Variants in SCP2 observed in about 807,000 individuals in gnomAD.
SCP2 encodes the protein SCP-2/3-oxoacyl-CoA thiolase.
In SCP2, 48 loss-of-function variants were observed where a neutral mutation model predicts 71.4. That is an observed-to-expected ratio of 0.67 (90% CI 0.53 to 0.86). SCP2 has a LOEUF of 0.86. Ranked by LOEUF, SCP2 falls within the 40% of genes least tolerant of loss-of-function variation. The pLI is 0.00. For missense variants in SCP2, 560 were observed against 655.6 expected (o/e 0.85, Z 1.59); for synonymous variants, 220 against 218.1 (o/e 1.01, Z -0.08).
chr1:52,944,969 T>C (rs1654639874), intron 2 of SCP2, among the ~76,000 whole-genome samples: 2 of 151,724 alleles, frequency 1.3e-5, no homozygotes. Context: ...TTAAAGGAGG[T>C]ACAGAGTACC....
chr1:52,992,903 T>G (rs1363653122), intron 11 of SCP2, among the ~76,000 whole-genome samples: 4 of 152,188 alleles, frequency 2.6e-5, no homozygotes, highest in Non-Finnish European at 5.9e-5. Context: ...ATTCCAAAAC[T>G]GATTCATCTC....
chr1:53,019,200 A>G (rs1327630481), intron 12 of SCP2, among the ~76,000 whole-genome samples: 1 of 152,168 alleles, frequency 6.6e-6, no homozygotes, highest in East Asian at 1.9e-4. Flanking sequence ...TCCTCTGAAA[A>G]GTTGCTGTTC....
At chr1:52,942,725 T>C (rs1343893522) in intron 2 of SCP2, among the ~76,000 whole-genome samples, 1 of 134,290 alleles carries the variant, frequency 7.4e-6, no homozygotes, top group East Asian at 2.1e-4. Flanking sequence ...TGAGATGGAG[T>C]TTCACTCTTG....
At chr1:52,954,342 A>G (rs531094688) in intron 4 of SCP2, among the ~76,000 whole-genome samples, 1 of 151,706 alleles carries the variant, frequency 6.6e-6, no homozygotes, top group East Asian at 1.9e-4. Flanking sequence ...AACAACAACA[A>G]CAACAACAAC....
Position 52,967,637 on chromosome 1 carries a change from G to C in SCP2, c.523+6008G>C, listed in dbSNP as rs932062257. On this transcript the variant is annotated intron_variant, in intron 6 of 15. Transcript: ENST00000371514. The stretch of plus-strand genomic sequence containing the variant: ...GATTGAACAAAGGGGGACAAATGCA[G>C]AAATGAAGAGAAAGACAAAAAGATC... Among the ~76,000 whole-genome samples the C allele has an allele frequency of 2.0e-5, 3 of 152,120 alleles. No individual in the cohort carries two copies. The East Asian group carries it at 5.8e-4, about 29-fold the overall frequency.
rs184403844 is a variant in SCP2, at chr1:53,039,087, T to C, written c.1468+41T>C. The C allele has an allele frequency of 2.5e-5, 40 of 1,612,742 alleles. No individual in the cohort carries two copies. In the East Asian group the frequency reaches 8.0e-4, roughly 32 times the overall value. ...ACTTCATTCTAGGAGCACTGACGAGTTTACGAAGGCTGTCAGCTGGGAAAA... is the reference window on the plus strand; with the variant it reads ...ACTTCATTCTAGGAGCACTGACGAGCTTACGAAGGCTGTCAGCTGGGAAAA... On this transcript the variant is annotated intron_variant, in intron 14 of 15. Coordinates refer to ENST00000371514, the MANE Select transcript of SCP2 (RefSeq NM_002979.5).
chr1:53,010,991 C>T (rs1268189387), intron 11 of SCP2, among the ~76,000 whole-genome samples: 2 of 152,150 alleles, frequency 1.3e-5, no homozygotes, highest in Admixed American at 6.5e-5. Flanking sequence ...TCACACAAAG[C>T]CTGTTGGGTG....
intron 7 of SCP2, 107 bp from the exon 8 acceptor site, chr1:52,976,576 C>G: frequency 1.4e-6 from 1 of 726,344 alleles, no homozygotes; most frequent in South Asian, 1.5e-5. Flanking sequence ...AAAAATCTGT[C>G]TTCTGGTTGT....
intron 12 of SCP2, among the ~76,000 whole-genome samples, chr1:53,017,090 C>G (rs1436975242): frequency 6.6e-6 from 1 of 152,136 alleles, no homozygotes; most frequent in East Asian, 1.9e-4. Flanking sequence ...ACATCCTATT[C>G]ATTTTACGTA....
chr1:52,941,980 A>G, intron 2 of SCP2, 127 bp downstream of exon 2: 2 of 700,028 alleles, frequency 2.9e-6, no homozygotes, highest in Non-Finnish European at 5.2e-6. Context: ...CCGTACAGAG[A>G]AATGTCTAGT....
intron 1 of SCP2, among the ~76,000 whole-genome samples, chr1:52,930,422 G>C (rs1653038836): frequency 6.6e-6 from 1 of 151,966 alleles, no homozygotes; most frequent in Non-Finnish European, 1.5e-5. Context: ...CCCAGGGTTT[G>C]AGAACAGCCT....
At position 53,022,196 on chromosome 1, in the gene SCP2, T is replaced by A. The variant is rs112719065; in HGVS notation, c.1236-5773T>A. Among the ~76,000 whole-genome samples the A allele has an allele frequency of 3.3e-5, 5 of 152,372 alleles. 1 individual carries two copies. Among genetic ancestry groups the A allele is most frequent in the African/African-American group, 1.2e-4 (5 of 41,594 alleles). On this transcript the variant is annotated intron_variant, in intron 12 of 15. Coordinates refer to ENST00000371514, the MANE Select transcript of SCP2 (RefSeq NM_002979.5). Reference sequence around the variant, plus strand: ...TCTGTCTCTATGGATTTGCCTGTTATGGACGTTGTATGTAAATGAAATCAT... The same window carrying A: ...TCTGTCTCTATGGATTTGCCTGTTAAGGACGTTGTATGTAAATGAAATCAT...
chr1:52,935,874 G>C (rs1653692766), intron 1 of SCP2, among the ~76,000 whole-genome samples: 1 of 152,104 alleles, frequency 6.6e-6, no homozygotes. Flanking sequence ...GGAGTTTGAG[G>C]CTGCAGGGAG....
intron 13 of SCP2, among the ~76,000 whole-genome samples, chr1:53,028,967 G>C (rs1462053383): frequency 3.9e-5 from 6 of 151,930 alleles, no homozygotes; most frequent in Non-Finnish European, 8.8e-5. Context: ...GTAGAGACAG[G>C]GTTTCACCAT....
chr1:52,935,409 G>C (rs150892508), intron 1 of SCP2, among the ~76,000 whole-genome samples: 68 of 151,194 alleles, frequency 4.5e-4, no homozygotes, highest in African/African-American at 1.6e-3. Context: ...TGGCAAAACC[G>C]CAAAACCCCG....
chr1:53,013,759 TG>T (rs1343841518), intron 11 of SCP2, among the ~76,000 whole-genome samples: 3 of 152,024 alleles, frequency 2.0e-5, no homozygotes, highest in African/African-American at 7.2e-5. Context: ...TTGGGGAAGT[TG>T]GGGTTTATAC....
chr1:52,963,291 G>A (rs957998629), intron 6 of SCP2, among the ~76,000 whole-genome samples: 2 of 151,810 alleles, frequency 1.3e-5, no homozygotes, highest in Non-Finnish European at 2.9e-5. Context: ...CTCCACGAAA[G>A]CAGGTCCATG....
intron 13 of SCP2, among the ~76,000 whole-genome samples, chr1:53,028,553 G>A (rs61504843): frequency 0.14 from 20,809 of 151,774 alleles, 2,022 homozygotes; most frequent in East Asian, 0.32. Flanking sequence ...TTTTAAAAAT[G>A]ATGTTAATTT....
At chr1:52,993,885 T>C in intron 11 of SCP2, 7 of 1,454,138 alleles carry the variant, frequency 4.8e-6, no homozygotes, top group Non-Finnish European at 6.3e-6. Context: ...TAAGCTATGT[T>C]TTGGAGAGGA....
Sources: gnomAD v4.1 joint callset for allele counts (sites outside exome capture counted in the v4.1 genomes callset) on GRCh38, gnomAD v4.1.1 for gene constraint, MANE v1.5 for transcripts, NCBI Gene and HGNC (gene_info 2026-07-23, HGNC 2026-07-21) for gene names.